TASP1: variants seen among roughly 807,000 people sequenced by gnomAD.
TASP1 encodes taspase 1, also known as threonine aspartase 1.
In TASP1, 16 loss-of-function variants were observed where a neutral mutation model predicts 56.6. The observed-to-expected ratio is 0.28, with a 90% CI of 0.19 to 0.43. TASP1 has a LOEUF of 0.43. Ranked by LOEUF, TASP1 falls within the 20% of genes least tolerant of loss-of-function variation. TASP1 has a pLI of 1.00. For synonymous variants in TASP1, 179 were observed against 184.2 expected (o/e 0.97, Z 0.23); for missense variants, 393 against 511.6 (o/e 0.77, Z 2.24).
chr20:13,498,331 TTGTGTGTGTG>T (rs60099056), intron 10 of TASP1, among the ~76,000 whole-genome samples: 2,618 of 135,082 alleles, frequency 0.019, 46 homozygotes, highest in African/African-American at 0.038. Context: ...TTCTTTTCTT[TTGTGTGTGTG>T]TGTGTGTGTG....
At chr20:13,252,919 T>A in the TASP1 span, among the ~76,000 whole-genome samples, 2,864 of 152,308 alleles carry the variant, frequency 0.019, 39 homozygotes, top group Non-Finnish European at 0.022. Context: ...TAGGCCCACC[T>A]GGGGTCCCCA....
chr20:13,286,869 C>T, the TASP1 span, among the ~76,000 whole-genome samples: 1 of 152,240 alleles, frequency 6.6e-6, no homozygotes, highest in Non-Finnish European at 1.5e-5. Context: ...AGAGGGTACT[C>T]CCTCCCGGCA....
chr20:13,227,770 AGTGCTGGGATTACAG>A, the TASP1 span, among the ~76,000 whole-genome samples: 3 of 152,050 alleles, frequency 2.0e-5, no homozygotes, highest in Non-Finnish European at 4.4e-5. Flanking sequence ...TGCCTCCCAA[AGTGCTGGGATTACAG>A]GTGTGAGCCA....
At chr20:13,225,343 T>A in the TASP1 span, among the ~76,000 whole-genome samples, 2 of 152,322 alleles carry the variant, frequency 1.3e-5, no homozygotes, top group South Asian at 4.1e-4. Flanking sequence ...CTTGATAAAG[T>A]CATACACTCA....
chr20:13,429,292 A>G (rs916281243), intron 12 of TASP1, among the ~76,000 whole-genome samples: 9 of 152,186 alleles, frequency 5.9e-5, no homozygotes, highest in Admixed American at 2.0e-4. Context: ...TCAGGGTTTT[A>G]AAGACTTGTA....
intron 8 of TASP1, among the ~76,000 whole-genome samples, chr20:13,544,539 AC>A (rs33918650): frequency 0.21 from 32,358 of 152,140 alleles, 3,601 homozygotes; most frequent in Middle Eastern, 0.28. Context: ...GACAGAAACA[AC>A]ACAACATGCT....
At chr20:13,202,571 T>C in the TASP1 span, among the ~76,000 whole-genome samples, 1 of 152,152 alleles carries the variant, frequency 6.6e-6, no homozygotes, top group Non-Finnish European at 1.5e-5. Flanking sequence ...TAGATACCAA[T>C]TGTTAAAAGA....
the TASP1 span, among the ~76,000 whole-genome samples, chr20:13,116,550 G>A: frequency 5.9e-5 from 9 of 151,992 alleles, no homozygotes; most frequent in African/African-American, 1.9e-4. Flanking sequence ...CCTTTGTGCC[G>A]GAGGATGTAC....
the TASP1 span, among the ~76,000 whole-genome samples, chr20:13,236,510 A>T: frequency 6.6e-6 from 1 of 152,016 alleles, no homozygotes; most frequent in Non-Finnish European, 1.5e-5. Flanking sequence ...ACATTTCAAA[A>T]CCAATCATGC....
chr20:13,598,063 C>T (rs1288541649), intron 4 of TASP1, among the ~76,000 whole-genome samples: 6 of 152,214 alleles, frequency 3.9e-5, no homozygotes, highest in Admixed American at 1.3e-4. Context: ...ACAGTCCATG[C>T]TCATGGGTAG....
chr20:13,130,751 A>G, the TASP1 span, among the ~76,000 whole-genome samples: 3 of 152,310 alleles, frequency 2.0e-5, no homozygotes, highest in East Asian at 1.9e-4. Flanking sequence ...CTCCATCCTA[A>G]TGGATGCTGG....
At chr20:13,211,368 A>G in the TASP1 span, among the ~76,000 whole-genome samples, 44,946 of 151,998 alleles carry the variant, frequency 0.3, 7,006 homozygotes, top group African/African-American at 0.36. Flanking sequence ...TCTATTTTCA[A>G]ATTTAATTTG....
intron 11 of TASP1, among the ~76,000 whole-genome samples, chr20:13,457,738 T>A (rs559948296): frequency 2.2e-4 from 33 of 152,264 alleles, no homozygotes; most frequent in African/African-American, 7.5e-4. Flanking sequence ...GAAGAACAAG[T>A]TTATCCAAAT....
intron 6 of TASP1, among the ~76,000 whole-genome samples, chr20:13,576,370 AAAGAAAG>A (rs2046922848): frequency 1.6e-5 from 2 of 122,868 alleles, no homozygotes; most frequent in East Asian, 5.5e-4. Flanking sequence ...AGAAAGAAAG[AAAGAAAG>A]AAAGAAAGAA....
At chr20:13,222,487 C>T in the TASP1 span, among the ~76,000 whole-genome samples, 1 of 152,058 alleles carries the variant, frequency 6.6e-6, no homozygotes, top group Non-Finnish European at 1.5e-5. Context: ...GGAGCCTCGC[C>T]TGAGGTTCCC....
downstream of TASP1, among the ~76,000 whole-genome samples, chr20:13,387,122 G>T (rs887227305): frequency 2.0e-5 from 3 of 147,104 alleles, no homozygotes; most frequent in Non-Finnish European, 3.0e-5. Context: ...TGCATTATTT[G>T]ATTTTCTGCT....
chr20:13,311,247 A>AGATAGATAGAT, the TASP1 span, among the ~76,000 whole-genome samples: 2,135 of 116,010 alleles, frequency 0.018, 21 homozygotes, highest in African/African-American at 0.036. Context: ...GATAGATGAT[A>AGATAGATAGAT]GATAGATAGA....
chr20:13,217,201 A>G, the TASP1 span, among the ~76,000 whole-genome samples: 1 of 152,220 alleles, frequency 6.6e-6, no homozygotes, highest in Non-Finnish European at 1.5e-5. Context: ...CATATCATGA[A>G]TTTGCTTAAA....
At chr20:13,622,970 A>G (rs2048767433) in intron 4 of TASP1, among the ~76,000 whole-genome samples, 1 of 152,154 alleles carries the variant, frequency 6.6e-6, no homozygotes, top group Non-Finnish European at 1.5e-5. Flanking sequence ...TCCACAGTAA[A>G]CTGGGGACAA....
Sources: gnomAD v4.1 joint callset for allele counts (sites outside exome capture counted in the v4.1 genomes callset) on GRCh38, gnomAD v4.1.1 for gene constraint, MANE v1.5 for transcripts, NCBI Gene and HGNC (gene_info 2026-07-23, HGNC 2026-07-21) for gene names.